Variants in SEMA6D observed in about 807,000 individuals in gnomAD.
The protein encoded by SEMA6D is semaphorin 6D.
A neutral mutation model predicts 106.6 loss-of-function variants in SEMA6D; 35 were observed. The ratio of observed to expected loss-of-function variants is 0.33; its 90% CI spans 0.25 to 0.44. SEMA6D has a LOEUF of 0.44. Ranked by LOEUF, SEMA6D falls within the 20% of genes least tolerant of loss-of-function variation. The pLI is 1.00. For missense variants in SEMA6D, 1,185 were observed against 1,345.9 expected (o/e 0.88, Z 1.87); for synonymous variants, 499 against 487.7 (o/e 1.02, Z -0.31).
At chr15:47,218,761 T>C (rs1362626877) in intron 1 of SEMA6D, among the ~76,000 whole-genome samples, 1 of 152,172 alleles carries the variant, frequency 6.6e-6, no homozygotes, top group Non-Finnish European at 1.5e-5. Context: ...GTCAATTGTC[T>C]GATACATGTT....
intron 1 of SEMA6D, among the ~76,000 whole-genome samples, chr15:47,732,735 G>A (rs892859498): frequency 6.6e-6 from 1 of 151,996 alleles, no homozygotes; most frequent in Non-Finnish European, 1.5e-5. Flanking sequence ...ATGTTTTTCT[G>A]CATGATTTGA....
At chr15:47,763,350 A>G (rs186497912) in intron 9 of SEMA6D, among the ~76,000 whole-genome samples, 17 of 152,264 alleles carry the variant, frequency 1.1e-4, no homozygotes, top group African/African-American at 4.1e-4. Context: ...GCAGCCACAG[A>G]GAGTGTTCTA....
chr15:47,755,435 T>G (rs2081663073), intron 1 of SEMA6D, among the ~76,000 whole-genome samples: 2 of 152,142 alleles, frequency 1.3e-5, no homozygotes, highest in African/African-American at 4.8e-5. Context: ...TTAGCTGCAG[T>G]TTTTGGAATT....
At chr15:47,487,075 A>G (rs1445715530) in intron 3 of SEMA6D, among the ~76,000 whole-genome samples, 7 of 152,248 alleles carry the variant, frequency 4.6e-5, no homozygotes, top group African/African-American at 1.4e-4. Context: ...TATTTAAATC[A>G]AAGTGTGATT....
rs373441957 is a variant in SEMA6D, at chr15:47,764,041, C to A, written c.939C>A (p.Val313=). ...AAATCAATGGCATCCCCACTGTGGT[C>A]GGGGTGTTTACCACGCAGCTCAATA... The part of the protein sequence containing the change: ...IIQINGIPTV[V]GVFTTQLNSI... The change falls in exon 10 of 19, where the codon GTC becomes GTA. Residue 313 remains valine (V), a synonymous_variant. Coordinates refer to ENST00000536845, the MANE Select transcript of SEMA6D (RefSeq NM_001358351.3). 7 of 1,613,834 alleles carry A rather than the reference C, an allele frequency of 4.3e-6. No homozygotes were observed. The East Asian group carries it at 1.6e-4, about 36-fold the overall frequency.
intron 4 of SEMA6D, among the ~76,000 whole-genome samples, chr15:47,613,492 C>T (rs1051208862): frequency 1.3e-5 from 2 of 152,032 alleles, no homozygotes; most frequent in African/African-American, 4.8e-5. Context: ...ACAAAAATTA[C>T]CAGGTAGTGC....
At chr15:47,485,174 C>T (rs887002492) in intron 3 of SEMA6D, among the ~76,000 whole-genome samples, 6 of 152,042 alleles carry the variant, frequency 3.9e-5, no homozygotes, top group African/African-American at 1.4e-4. Context: ...TATGACTAAA[C>T]GAATTATTAT....
intron 1 of SEMA6D, among the ~76,000 whole-genome samples, chr15:47,310,451 C>A: frequency 6.6e-6 from 1 of 152,108 alleles, no homozygotes; most frequent in East Asian, 1.9e-4. Flanking sequence ...TTGCAATGAG[C>A]CAATTGCTCT....
chr15:47,729,725 C>G (rs1160393299), intron 1 of SEMA6D, among the ~76,000 whole-genome samples: 1 of 152,180 alleles, frequency 6.6e-6, no homozygotes, highest in African/African-American at 2.4e-5. Context: ...ATCAGAGATC[C>G]CTCCCTCACT....
At chr15:47,268,200 G>A (rs901011203) in intron 1 of SEMA6D, among the ~76,000 whole-genome samples, 11 of 152,138 alleles carry the variant, frequency 7.2e-5, no homozygotes, top group African/African-American at 2.7e-4. Flanking sequence ...GAGTACTAAT[G>A]CCTGAGATTC....
chr15:47,735,821 A>G (rs2146859478), intron 1 of SEMA6D, among the ~76,000 whole-genome samples: 1 of 152,342 alleles, frequency 6.6e-6, no homozygotes, highest in South Asian at 2.1e-4. Context: ...AGTGTAAGTC[A>G]CAGTATCAAG....
chr15:47,422,393 G>A (rs1288563023), intron 2 of SEMA6D, among the ~76,000 whole-genome samples: 2 of 151,978 alleles, frequency 1.3e-5, no homozygotes, highest in African/African-American at 4.8e-5. Context: ...TCAGTTTCTT[G>A]ATTGATACTA....
At chr15:47,734,945 C>T (rs892695299) in intron 1 of SEMA6D, among the ~76,000 whole-genome samples, 3 of 152,104 alleles carry the variant, frequency 2.0e-5, no homozygotes, top group Non-Finnish European at 4.4e-5. Context: ...ATTGATTGAG[C>T]ACTGTTATTA....
chr15:47,513,795 G>A (rs963245484), intron 3 of SEMA6D, among the ~76,000 whole-genome samples: 14 of 152,200 alleles, frequency 9.2e-5, no homozygotes, highest in African/African-American at 3.4e-4. Flanking sequence ...AGATTCATAG[G>A]TGATTCTTCT....
At chr15:47,255,259 C>T (rs1397673993) in intron 1 of SEMA6D, among the ~76,000 whole-genome samples, 1 of 151,942 alleles carries the variant, frequency 6.6e-6, no homozygotes, top group Admixed American at 6.6e-5. Flanking sequence ...CTCTTGTGAT[C>T]GTTGTATTAC....
intron 3 of SEMA6D, among the ~76,000 whole-genome samples, chr15:47,527,256 A>G (rs1308896825): frequency 3.9e-5 from 6 of 152,204 alleles, no homozygotes; most frequent in Non-Finnish European, 7.3e-5. Flanking sequence ...CACACTAAAT[A>G]TATACATTTA....
chr15:47,481,050 C>T (rs917936321), intron 3 of SEMA6D, among the ~76,000 whole-genome samples: 15 of 152,180 alleles, frequency 9.9e-5, no homozygotes, highest in Admixed American at 3.3e-4. Flanking sequence ...TAAAAGCATC[C>T]CCCAAGGAAT....
chr15:47,463,547 T>C (rs1329260567), intron 2 of SEMA6D, among the ~76,000 whole-genome samples: 3 of 152,174 alleles, frequency 2.0e-5, no homozygotes, highest in African/African-American at 7.2e-5. Context: ...AGCACATGTG[T>C]GCGTCATGGT....
intron 3 of SEMA6D, among the ~76,000 whole-genome samples, chr15:47,597,082 G>A (rs147112012): frequency 3.1e-4 from 47 of 151,834 alleles, no homozygotes; most frequent in African/African-American, 1.1e-3. Context: ...CTCAATAGCA[G>A]AAAAATAAAT....
Sources: gnomAD v4.1 joint callset for allele counts (sites outside exome capture counted in the v4.1 genomes callset) on GRCh38, gnomAD v4.1.1 for gene constraint, MANE v1.5 for transcripts, NCBI Gene and HGNC (gene_info 2026-07-23, HGNC 2026-07-21) for gene names.